DMPK: variants seen among roughly 807,000 people sequenced by gnomAD.
DMPK encodes the protein myotonin-protein kinase.
In DMPK, 32 loss-of-function variants were observed where a neutral mutation model predicts 70.3. The ratio of observed to expected loss-of-function variants is 0.46; its 90% confidence interval spans 0.34 to 0.61. The LOEUF (loss-of-function observed/expected upper bound fraction) is 0.61. Among genes scored for constraint, DMPK ranks in the 20% least tolerant of loss-of-function variants. The pLI is 0.01. For missense variants in DMPK, 899 were observed against 886.0 expected, an observed-to-expected ratio of 1.01 and a Z score of -0.19; for synonymous variants, 469 against 390.9, an observed-to-expected ratio of 1.20 and a Z score of -2.36.
chr19:45,774,045 C>T (rs989465192), intron 9 of DMPK, among the ~76,000 whole-genome samples: 1 of 151,636 alleles, frequency 6.6e-6, no homozygotes, highest in African/African-American at 2.4e-5. Context: ...CAACCTCCCC[C>T]TCCTGGGTTC....
At position 45,777,051 on chromosome 19, in the gene DMPK, A is replaced by C; in HGVS notation, c.1146+276T>G. 2.4e-6 allele frequency: 1 copy of C among 414,394 alleles called. No individual in the cohort carries two copies. The highest frequency in any genetic ancestry group is 4.2e-6 in the Non-Finnish European group (1 of 235,682). 25.7% of individuals were successfully genotyped at this position (414,394 alleles called of 1,614,324 possible). A position where few individuals can be genotyped will look rare whatever the true frequency, so the allele number is the denominator to read the frequency against. On this transcript the variant is annotated intron_variant, in intron 8 of 14. Transcript: ENST00000291270. The surrounding 1 kb of genome is among the most constrained non-coding windows in gnomAD (Gnocchi z 6.7). ...TCCCCACTCCAGAAAGCCCTCCAGG[A>C]CCTTCCTTGCTGAGTCAGGAGTCCC...
chr19:45,771,219 A>G, intron 13 of DMPK, 131 bp downstream of exon 13: 1 of 1,311,862 alleles, frequency 7.6e-7, no homozygotes. Flanking sequence ...GGGCTGAATA[A>G]AGGGCTTCTG....
In DMPK at chr19:45,777,179, TG is replaced by T; in HGVS notation, c.1146+147del. 1 of 1,149,398 alleles carries T rather than the reference TG, an allele frequency of 8.7e-7. No individual in the cohort carries two copies. Among genetic ancestry groups the T allele is most frequent in the Non-Finnish European group, 1.2e-6 (1 of 841,766 alleles). 71.2% of individuals were successfully genotyped at this position (1,149,398 alleles called of 1,614,324 possible). A position where few individuals can be genotyped will look rare whatever the true frequency, so the allele number is the denominator to read the frequency against. ...CTGGACTGTAAGTCTAGGTCACTGC[TG>T]GGTCCTCAGTAGTAGATGGGCACAG... On this transcript the variant is annotated intron_variant, in intron 8 of 14. Transcript: ENST00000291270. This position sits in a 1 kb window ranked among gnomAD's most constrained non-coding sequence, Gnocchi z 6.7.
Position 45,780,683 on chromosome 19 carries a change from G to T in DMPK, c.161-814C>A, listed in dbSNP as rs74838358. ...GCAGGATGGAGAGAGGGATGGGTAT[G>T]GGAGGGGAGGGAAGGAGAGGAGACA... is the stretch of plus-strand genomic sequence containing the variant. On this transcript the variant is annotated intron_variant, in intron 1 of 14. Coordinates refer to ENST00000291270, the MANE Select transcript of DMPK (RefSeq NM_004409.5). The T allele has an allele frequency of 6.3e-3, 5,573 of 889,808 alleles. 247 individuals are homozygous for T. In the African/African-American group the frequency reaches 0.092, roughly 15 times the overall value. The allele number at this position is 889,808 out of a possible 1,614,324, so 55.1% of individuals were successfully genotyped here.
rs892491471 is a variant in DMPK at position 45,770,309 on chromosome 19, G to A, written c.*179C>T. On this transcript the variant is annotated 3_prime_UTR_variant, in exon 15 of 15. Coordinates refer to ENST00000291270, the MANE Select transcript of DMPK (RefSeq NM_004409.5). ...CCTTCGAGCCCCGTTCGCCGGCCGC[G>A]GACCCGGCCCCTCCCTCCCCGGCCG... 5.8e-6 allele frequency: 5 copies of A among 860,346 alleles called. No individual in the cohort carries two copies. The African/African-American group carries it at 7.6e-5, about 13-fold the overall frequency. The allele number at this position is 860,346 out of a possible 1,614,324, so 53.3% of individuals were successfully genotyped here. A position where few individuals can be genotyped will look rare whatever the true frequency, so the allele number is the denominator to read the frequency against.
intron 4 of DMPK, 44 bp downstream of exon 4, chr19:45,779,220 C>G (rs375801671): frequency 6.3e-7 from 1 of 1,585,612 alleles, no homozygotes; most frequent in Non-Finnish European, 8.7e-7. Context: ...AGTGACAGCA[C>G]GGGCTCTTGT....
At position 45,771,045 on chromosome 19, in the gene DMPK, C is replaced by T. The variant is rs1285342394; in HGVS notation, c.1663G>A (p.Ala555Thr). 6.6e-7 allele frequency: 1 copy of T among 1,514,984 alleles called. No homozygotes were observed. Among genetic ancestry groups the T allele is most frequent in the Non-Finnish European group, 8.8e-7 (1 of 1,132,962 alleles). 93.8% of individuals were successfully genotyped at this position (1,514,984 alleles called of 1,614,324 possible). Reference protein sequence around the residue: ...DPPSHLDGPPAVAVGQCPLVG... With the variant: ...DPPSHLDGPPTVAVGQCPLVG... ...AGCGGGCACTGGCCCACAGCCACGGCCGGGGGGCCATCTAGCTGGAGAGAG... is the reference window on the plus strand; with the variant it reads ...AGCGGGCACTGGCCCACAGCCACGGTCGGGGGGCCATCTAGCTGGAGAGAG... Residue 555 changes from alanine to threonine, a missense_variant, in exon 14 of 15, where the codon GCC becomes ACC. Ala to Thr is a moderately conservative substitution (Grantham distance 58). Around this residue, in one of 3 missense-constraint regions of DMPK, gnomAD observed 555 missense variants for 483.8 expected, o/e 1.15. Transcript: ENST00000291270.
intron 9 of DMPK, 79 bp from the exon 10 acceptor site, chr19:45,772,831 G>A (rs1969551620): frequency 7.7e-6 from 6 of 782,528 alleles, no homozygotes; most frequent in Non-Finnish European, 1.1e-5. Flanking sequence ...TGGCCTGTGG[G>A]TAGGGGCAGC....
chr19:45,780,015 C>T lies in DMPK; in HGVS notation c.161-146G>A, dbSNP rs761744296. On this transcript the variant is annotated intron_variant, in intron 1 of 14. Coordinates refer to ENST00000291270, the MANE Select transcript of DMPK (RefSeq NM_004409.5). Reference sequence around the variant, plus strand: ...TGTCTGCTTCCCAGGGGCTTCCCCACATAAACACCGTGTAAGGTTCTGGGG... The same window carrying T: ...TGTCTGCTTCCCAGGGGCTTCCCCATATAAACACCGTGTAAGGTTCTGGGG... 5.4e-5 allele frequency: 84 copies of T among 1,552,998 alleles called. 1 individual carries two copies. The South Asian group carries it at 9.3e-4, about 17-fold the overall frequency.
chr19:45,775,158 C>T, intron 8 of DMPK, 124 bp from the exon 9 acceptor site: 1 of 700,020 alleles, frequency 1.4e-6, no homozygotes, highest in South Asian at 1.7e-5. Context: ...GTGGCCCCTC[C>T]AGCATTTTTT....
At chr19:45,778,057 C>T (rs1399002571) in intron 6 of DMPK, 70 bp downstream of exon 6, 1 of 1,392,502 alleles carries the variant, frequency 7.2e-7, no homozygotes, top group Non-Finnish European at 1.0e-6. Flanking sequence ...TCCAGTCCCG[C>T]TCCCACACTC....
At position 45,777,904 on chromosome 19, in the gene DMPK, G is replaced by A. The variant is rs1205863405; in HGVS notation, c.676-31C>T. The stretch of plus-strand genomic sequence containing the variant: ...CCAAAAGGAGCAGAGCGAGGCTTGG[G>A]CCCACCCCTCTGGGCCCACCAGCTC... On this transcript the variant is annotated intron_variant, in intron 6 of 14. Coordinates refer to ENST00000291270, the MANE Select transcript of DMPK (RefSeq NM_004409.5). The surrounding 1 kb of genome is among the most constrained non-coding windows in gnomAD (Gnocchi z 6.7). 1.3e-6 allele frequency: 2 copies of A among 1,581,036 alleles called. No homozygotes were observed. Among genetic ancestry groups the A allele is most frequent in the Admixed American group, 1.7e-5 (1 of 58,666 alleles).
At position 45,771,020 on chromosome 19, in the gene DMPK, A is replaced by G; in HGVS notation, c.1688T>C (p.Leu563Pro). The change falls in exon 14 of 15, where the codon CTG (leucine) becomes CCG (proline). Residue 563 changes from leucine to proline, a missense_variant. Around this residue, in one of 3 missense-constraint regions of DMPK, gnomAD observed 555 missense variants for 483.8 expected, o/e 1.15. Coordinates refer to ENST00000291270, the MANE Select transcript of DMPK (RefSeq NM_004409.5). ...GCGGTGCATGGGGCCTGGCCCCACCAGCGGGCACTGGCCCACAGCCACGGC... is the reference window on the plus strand; with the variant it reads ...GCGGTGCATGGGGCCTGGCCCCACCGGCGGGCACTGGCCCACAGCCACGGC... ...PPAVAVGQCP[L>P]VGPGPMHRRH... 1.3e-6 allele frequency: 2 copies of G among 1,482,230 alleles called. No homozygotes were observed. The highest frequency in any genetic ancestry group is 1.3e-5 in the South Asian group (1 of 74,608). The allele number at this position is 1,482,230 out of a possible 1,614,324, so 91.8% of individuals were successfully genotyped here. A position where few individuals can be genotyped will look rare whatever the true frequency, so the allele number is the denominator to read the frequency against.
rs1969537777 is a variant in DMPK, at chr19:45,772,693, G to A, written c.1292C>T (p.Pro431Leu). ...MELEAEQLLE[P>L]HVQAPSLEPS... The stretch of plus-strand genomic sequence containing the variant: ...CTCCAGGCTGGGCGCTTGCACGTGT[G>A]GCTCAAGCAGCTGCTCGGCCTCCAG... The change falls in exon 10 of 15, where the codon CCA becomes CTA. Residue 431 changes from proline to leucine, a missense_variant. Physicochemically the swap from Pro to Leu is moderately conservative, Grantham distance 98 (BLOSUM62 -3). This residue lies in a region of DMPK where 555 missense variants were observed against 483.8 expected (regional missense o/e 1.15). Transcript: ENST00000291270. 1.2e-5 allele frequency: 18 copies of A among 1,527,466 alleles called. No individual in the cohort carries two copies. Among genetic ancestry groups the A allele is most frequent in the Non-Finnish European group, 1.5e-5 (17 of 1,148,714 alleles). The allele number at this position is 1,527,466 out of a possible 1,614,324, so 94.6% of individuals were successfully genotyped here.
chr19:45,774,077 C>T (rs1969635720), intron 9 of DMPK, among the ~76,000 whole-genome samples: 1 of 151,564 alleles, frequency 6.6e-6, no homozygotes, highest in Non-Finnish European at 1.5e-5. Flanking sequence ...CCTCAGCCTC[C>T]TGAGTAGCTG....
At chr19:45,773,044 C>A (rs1969564521) in intron 9 of DMPK, among the ~76,000 whole-genome samples, 1 of 152,344 alleles carries the variant, frequency 6.6e-6, no homozygotes, top group East Asian at 1.9e-4. Context: ...CATCTCCTCC[C>A]TTGACATGTG....
At position 45,771,336 on chromosome 19, in the gene DMPK, G is replaced by C. The variant is rs772684221; in HGVS notation, c.1647+14C>G. ...GGCAGCAGGTCTGAGGCAGGGGAAAGAGAGGGGTCTTACATGGGAAGGTGG... is the reference window on the plus strand; with the variant it reads ...GGCAGCAGGTCTGAGGCAGGGGAAACAGAGGGGTCTTACATGGGAAGGTGG... On this transcript the variant is annotated intron_variant, in intron 13 of 14. Transcript: ENST00000291270. 1 of 1,587,204 alleles carries C rather than the reference G, an allele frequency of 6.3e-7. No individual in the cohort carries two copies. Among genetic ancestry groups the C allele is most frequent in the East Asian group, 2.2e-5 (1 of 44,754 alleles).
Position 45,782,235 on chromosome 19 carries a change from C to T in DMPK, c.118G>A (p.Glu40Lys), listed in dbSNP as rs764051493. 35 of 1,608,340 alleles carry T rather than the reference C, an allele frequency of 2.2e-5. No individual in the cohort carries two copies. Among genetic ancestry groups the T allele is most frequent in the African/African-American group, 4.0e-5 (3 of 74,340 alleles). ...LGVHQELGAS[E>K]LAQDKYVADF... The stretch of plus-strand genomic sequence containing the variant: ...GCCACGTACTTGTCCTGGGCCAGTT[C>T]GGAGGCGCCCAGCTCCTGGTGGACG... Residue 40 changes from glutamate to lysine, a missense_variant, in exon 1 of 15, where the codon GAA becomes AAA. This residue lies in a region of DMPK where 149 missense variants were observed against 142.5 expected (regional missense o/e 1.05). Coordinates refer to ENST00000291270, the MANE Select transcript of DMPK (RefSeq NM_004409.5).
chr19:45,772,231 A>C, intron 10 of DMPK: 1 of 412,698 alleles, frequency 2.4e-6, no homozygotes, highest in Non-Finnish European at 4.3e-6. Context: ...CTCACGACAA[A>C]AGGCCTTGCT....
Sources: allele counts gnomAD v4.1 joint callset (sites outside exome capture counted in the v4.1 genomes callset), GRCh38; gene constraint gnomAD v4.1.1; regional missense constraint gnomAD v4.1.1; non-coding constraint Gnocchi (gnomAD v3.1); transcripts MANE v1.5; gene names NCBI Gene and HGNC (gene_info 2026-07-23, HGNC 2026-07-21).